Variants in CSMD1 observed in about 807,000 individuals in gnomAD.
CSMD1 encodes the protein CUB and sushi domain-containing protein 1.
A neutral mutation model predicts 417.5 loss-of-function variants in CSMD1; 213 were observed. That is an observed-to-expected ratio of 0.51 (90% CI 0.46 to 0.57). The LOEUF is 0.57. Ranked by LOEUF, CSMD1 falls within the 20% of genes least tolerant of loss-of-function variation. The pLI, the probability that CSMD1 is intolerant of heterozygous loss-of-function variation, is 0.00. For synonymous variants in CSMD1, 2,862 were observed against 1,736.8 expected, an observed-to-expected ratio of 1.65 and a Z score of -16.11; for missense variants, 6,923 against 4,529.7, an observed-to-expected ratio of 1.53 and a Z score of -15.17.
intron 12 of CSMD1, among the ~76,000 whole-genome samples, chr8:3,425,013 T>TA (rs1471314368): frequency 6.6e-6 from 1 of 152,138 alleles, no homozygotes; most frequent in African/African-American, 2.4e-5. Flanking sequence ...GATTTTATTT[T>TA]ACTTTTGTAG....
intron 5 of CSMD1, among the ~76,000 whole-genome samples, chr8:3,820,660 C>G (rs1801683028): frequency 6.6e-6 from 1 of 152,216 alleles, no homozygotes; most frequent in South Asian, 2.1e-4. Flanking sequence ...AGTGCAAACT[C>G]TGCCTCCCAG....
At chr8:3,952,022 G>T (rs577222234) in intron 5 of CSMD1, among the ~76,000 whole-genome samples, 1 of 152,198 alleles carries the variant, frequency 6.6e-6, no homozygotes, top group South Asian at 2.1e-4. Flanking sequence ...TGTCCAAGAT[G>T]GATGAAAAGA....
chr8:3,995,020 T>C (rs982946153), intron 5 of CSMD1, among the ~76,000 whole-genome samples: 1 of 152,130 alleles, frequency 6.6e-6, no homozygotes. Flanking sequence ...GCACCCACAA[T>C]GCTCCCCGTC....
intron 1 of CSMD1, among the ~76,000 whole-genome samples, chr8:4,813,769 A>G (rs1213002913): frequency 6.6e-6 from 1 of 152,152 alleles, no homozygotes; most frequent in Non-Finnish European, 1.5e-5. Flanking sequence ...ATTTTGGAGT[A>G]ATTTTACTGT....
chr8:3,608,343 G>A (rs191722280), intron 8 of CSMD1, among the ~76,000 whole-genome samples: 3 of 152,156 alleles, frequency 2.0e-5, no homozygotes, highest in Admixed American at 6.5e-5. Context: ...CATTGTGGAA[G>A]AAAAGAGAAA....
chr8:3,350,747 G>A (rs1403483775), intron 21 of CSMD1, among the ~76,000 whole-genome samples: 4 of 151,844 alleles, frequency 2.6e-5, no homozygotes, highest in African/African-American at 9.7e-5. Flanking sequence ...AAAAAGGTGG[G>A]ACAAGAAAGA....
intron 17 of CSMD1, among the ~76,000 whole-genome samples, chr8:3,389,412 C>T (rs1292001541): frequency 1.3e-5 from 2 of 152,068 alleles, no homozygotes; most frequent in African/African-American, 4.8e-5. Context: ...ATAATGACAT[C>T]CAGCTCCTAG....
intron 3 of CSMD1, 60 bp from the exon 4 acceptor site, chr8:4,032,159 T>C (rs911794304): frequency 7.6e-7 from 1 of 1,317,370 alleles, no homozygotes; most frequent in African/African-American, 1.5e-5. Flanking sequence ...GAGAGCCACT[T>C]ATAAGATAAA....
At chr8:3,666,077 G>C (rs1485300723) in intron 7 of CSMD1, among the ~76,000 whole-genome samples, 1 of 152,126 alleles carries the variant, frequency 6.6e-6, no homozygotes, top group Non-Finnish European at 1.5e-5. Flanking sequence ...TGTATCTGTA[G>C]TAGAGACAGT....
At chr8:4,112,725 C>T (rs1055348709) in intron 3 of CSMD1, among the ~76,000 whole-genome samples, 1 of 152,202 alleles carries the variant, frequency 6.6e-6, no homozygotes, top group Non-Finnish European at 1.5e-5. Flanking sequence ...GATTTAATTA[C>T]ATGTTTAAAA....
At chr8:4,244,623 A>G (rs563158235) in intron 3 of CSMD1, among the ~76,000 whole-genome samples, 80 of 152,272 alleles carry the variant, frequency 5.3e-4, no homozygotes, top group African/African-American at 1.9e-3. Context: ...TGCACTGAAC[A>G]TGACAAATTT....
At chr8:4,296,264 C>G (rs1394946427) in intron 3 of CSMD1, among the ~76,000 whole-genome samples, 1 of 152,030 alleles carries the variant, frequency 6.6e-6, no homozygotes, top group Non-Finnish European at 1.5e-5. Context: ...TTTATAGCAC[C>G]AGAATTCAGA....
At chr8:2,966,911 T>C (rs1422326441) in intron 57 of CSMD1, among the ~76,000 whole-genome samples, 165 bp from the exon 58 acceptor site, 4 of 152,224 alleles carry the variant, frequency 2.6e-5, no homozygotes, top group Non-Finnish European at 5.9e-5. Context: ...CTATGGCTCA[T>C]ATGTTTATTT....
chr8:3,359,096 C>A (rs1372252044), intron 21 of CSMD1, 56 bp downstream of exon 21: 2 of 1,571,378 alleles, frequency 1.3e-6, no homozygotes, highest in South Asian at 1.1e-5. Flanking sequence ...AGGCTTCTTG[C>A]CTGGGCTAGA....
chr8:3,202,415 C>T (rs73496133), intron 31 of CSMD1, among the ~76,000 whole-genome samples: 13,475 of 152,188 alleles, frequency 0.089, 1,430 homozygotes, highest in African/African-American at 0.25. Context: ...TCTACAATTT[C>T]ATGTATCCTA....
intron 1 of CSMD1, among the ~76,000 whole-genome samples, chr8:4,981,396 C>T (rs1296846133): frequency 1.3e-5 from 2 of 152,132 alleles, no homozygotes; most frequent in East Asian, 3.9e-4. Context: ...GAATTATCCC[C>T]TCCCCTCATT....
intron 26 of CSMD1, among the ~76,000 whole-genome samples, chr8:3,274,348 C>A (rs530113884): frequency 6.6e-6 from 1 of 152,216 alleles, no homozygotes; most frequent in South Asian, 2.1e-4. Flanking sequence ...TTACTTCCAA[C>A]TATGTGGTCA....
intron 2 of CSMD1, among the ~76,000 whole-genome samples, chr8:4,469,598 T>C (rs1405809952): frequency 1.3e-5 from 2 of 152,192 alleles, no homozygotes; most frequent in Non-Finnish European, 2.9e-5. Flanking sequence ...GAGTGGTCTT[T>C]GACTCTGTGT....
intron 3 of CSMD1, among the ~76,000 whole-genome samples, chr8:4,273,891 G>GT (rs1804756994): frequency 6.6e-6 from 1 of 152,268 alleles, no homozygotes; most frequent in Admixed American, 6.5e-5. Flanking sequence ...TAAGTGTTCA[G>GT]TAAGTGTTGA....
Sources: allele counts gnomAD v4.1 joint callset (sites outside exome capture counted in the v4.1 genomes callset), GRCh38; gene constraint gnomAD v4.1.1; transcripts MANE v1.5; gene names NCBI Gene and HGNC (gene_info 2026-07-23, HGNC 2026-07-21).